ARHGAP32: variants seen among roughly 807,000 people sequenced by gnomAD.
The protein encoded by ARHGAP32 is rho GTPase-activating protein 32.
ARHGAP32 carries 51 observed loss-of-function variants against 186.5 expected under a neutral mutation model. That is an observed-to-expected ratio of 0.27 (90% CI 0.22 to 0.35). The LOEUF is 0.35. Among genes scored for constraint, ARHGAP32 ranks in the 10% least tolerant of loss-of-function variants. The pLI, the probability that ARHGAP32 is intolerant of heterozygous loss-of-function variation, is 1.00. For synonymous variants in ARHGAP32, 950 were observed against 964.3 expected (o/e 0.99, Z 0.27); for missense variants, 2,186 against 2,623.5 (o/e 0.83, Z 3.64).
At chr11:129,071,654 A>C (rs1940870440) in intron 6 of ARHGAP32, among the ~76,000 whole-genome samples, 1 of 152,152 alleles carries the variant, frequency 6.6e-6, no homozygotes, top group African/African-American at 2.4e-5. Flanking sequence ...AACTATATGG[A>C]GGTTCCTCAA....
Position 129,152,634 on chromosome 11 carries a change from A to C in ARHGAP32, c.225+11685T>G, listed in dbSNP as rs1472138632. On this transcript the variant is annotated intron_variant, in intron 2 of 22. Coordinates refer to ENST00000682385, the MANE Select transcript of ARHGAP32 (RefSeq NM_001378024.1). ...ACATACACAAAATTTATAAGAAAAA[A>C]TCATATGATCATCTCAACAGACACA... Among the ~76,000 whole-genome samples, 3 of 152,184 alleles carry C rather than the reference A, an allele frequency of 2.0e-5. No individual in the cohort carries two copies. In the East Asian group the frequency reaches 5.8e-4, roughly 29 times the overall value.
chr11:129,108,674 G>C (rs143326078), intron 5 of ARHGAP32, among the ~76,000 whole-genome samples: 2 of 152,258 alleles, frequency 1.3e-5, no homozygotes, highest in East Asian at 3.9e-4. Flanking sequence ...ATATTTTGTT[G>C]TTGAGTTGTA....
At chr11:129,193,703 A>ATATATAATATATATTATATAT (rs1944345916), upstream of ARHGAP32, among the ~76,000 whole-genome samples, 24 of 48,366 alleles carry the variant, frequency 5.0e-4, no homozygotes, top group African/African-American at 1.7e-3. Flanking sequence ...ATAATATATA[A>ATATATAATATATATTATATAT]TATATATTAT....
At position 129,192,277 on chromosome 11, in the gene ARHGAP32, C is replaced by G; in HGVS notation, c.-79G>C. ...CCAACATTCAGGTTGTTCAGCTCTACTCATGTATACTCAGATGTGTGTCTG... is the reference window on the plus strand; with the variant it reads ...CCAACATTCAGGTTGTTCAGCTCTAGTCATGTATACTCAGATGTGTGTCTG... On this transcript the variant is annotated 5_prime_UTR_variant, in exon 1 of 23. Coordinates refer to ENST00000682385, the MANE Select transcript of ARHGAP32 (RefSeq NM_001378024.1). The G allele has an allele frequency of 2.2e-6, 2 of 919,656 alleles. No individual in the cohort carries two copies. Among genetic ancestry groups the G allele is most frequent in the South Asian group, 2.8e-5 (2 of 72,120 alleles). 57.0% of individuals were successfully genotyped at this position (919,656 alleles called of 1,614,324 possible).
At chr11:129,202,341 C>T (rs1032769722) in intron 1 of ARHGAP32, among the ~76,000 whole-genome samples, 1 of 151,970 alleles carries the variant, frequency 6.6e-6, no homozygotes, top group Non-Finnish European at 1.5e-5. Context: ...TGTTTTTCTA[C>T]CCTGTATACC....
rs546239 is a variant in ARHGAP32 at position 128,965,863 on chromosome 11, C to T, written c.*3044G>A. The T allele has an allele frequency of 0.88, 134,652 of 152,228 alleles. 59,743 individuals carry two copies. The highest frequency in any genetic ancestry group is 0.94 in the African/African-American group (39,043 of 41,552). The allele number at this position is 152,228 out of a possible 1,614,324, so 9.4% of individuals were successfully genotyped here. ...CTCCAAATGTGGTAACCTACTCCTC[C>T]GTCCCCACTCACGTTAGTTAACAGT... On this transcript the variant is annotated 3_prime_UTR_variant, in exon 23 of 23. Coordinates refer to ENST00000682385, the MANE Select transcript of ARHGAP32 (RefSeq NM_001378024.1).
At chr11:129,137,732 G>A (rs1013527749) in intron 2 of ARHGAP32, among the ~76,000 whole-genome samples, 12 of 152,030 alleles carry the variant, frequency 7.9e-5, no homozygotes, top group African/African-American at 2.7e-4. Flanking sequence ...TTGAGGGTGT[G>A]TGTCTGTGTG....
intron 11 of ARHGAP32, among the ~76,000 whole-genome samples, chr11:129,012,117 A>G (rs1938112969): frequency 6.6e-6 from 1 of 152,178 alleles, no homozygotes; most frequent in Non-Finnish European, 1.5e-5. Flanking sequence ...TAAATTTAAA[A>G]TATTTAAAAA....
Position 128,966,924 on chromosome 11 carries a change from A to G in ARHGAP32, c.*1983T>C, listed in dbSNP as rs1035029255. The G allele has an allele frequency of 1.3e-5, 2 of 152,220 alleles. No homozygotes were observed. The highest frequency in any genetic ancestry group is 6.5e-5 in the Admixed American group (1 of 15,278). 9.4% of individuals were successfully genotyped at this position (152,220 alleles called of 1,614,324 possible). A position where few individuals can be genotyped will look rare whatever the true frequency, so the allele number is the denominator to read the frequency against. On this transcript the variant is annotated 3_prime_UTR_variant, in exon 23 of 23. Transcript: ENST00000682385. ...GGTCATACTCCTGTATGTAGCACCCAGGGTGTTTTTGTGCCAAAGGGAAGT... is the reference window on the plus strand; with the variant it reads ...GGTCATACTCCTGTATGTAGCACCCGGGGTGTTTTTGTGCCAAAGGGAAGT...
At chr11:129,236,813 C>G (rs542867879) in intron 1 of ARHGAP32, among the ~76,000 whole-genome samples, 402 of 152,274 alleles carry the variant, frequency 2.6e-3, no homozygotes, top group African/African-American at 9.2e-3. Flanking sequence ...AAGTAGGCAT[C>G]CCTGTCTTGT....
intron 1 of ARHGAP32, among the ~76,000 whole-genome samples, chr11:129,188,618 A>G (rs1223550533): frequency 6.6e-6 from 1 of 152,216 alleles, no homozygotes; most frequent in Non-Finnish European, 1.5e-5. Flanking sequence ...GTAGAGGATG[A>G]ATAATGCAAC....
chr11:129,029,541 C>A (rs550084515), intron 11 of ARHGAP32, among the ~76,000 whole-genome samples: 1 of 152,104 alleles, frequency 6.6e-6, no homozygotes, highest in Admixed American at 6.5e-5. Context: ...CGGTGGCTCA[C>A]GCCTGTAATC....
At chr11:129,138,508 A>C (rs956541315) in intron 2 of ARHGAP32, among the ~76,000 whole-genome samples, 1 of 152,112 alleles carries the variant, frequency 6.6e-6, no homozygotes, top group Non-Finnish European at 1.5e-5. Flanking sequence ...AATCCAAAAA[A>C]ATATTCTACC....
intron 11 of ARHGAP32, among the ~76,000 whole-genome samples, chr11:129,000,295 A>T (rs1010887298): frequency 6.6e-6 from 1 of 152,236 alleles, no homozygotes; most frequent in South Asian, 2.1e-4. Context: ...ACTGAAAGTA[A>T]ATCCCTTAAA....
intron 22 of ARHGAP32, chr11:128,971,511 C>T (rs1945373865): frequency 4.9e-6 from 1 of 205,650 alleles, no homozygotes; most frequent in African/African-American, 2.3e-5. Context: ...ATTAGTCTAG[C>T]TCAGTCTCAA....
rs1945217423 is a variant in ARHGAP32, at chr11:128,966,173, A to C, written c.*2734T>G. 6.6e-6 allele frequency: 1 copy of C among 152,234 alleles called. No homozygotes were observed. Among genetic ancestry groups the C allele is most frequent in the Admixed American group, 6.5e-5 (1 of 15,288 alleles). 9.4% of individuals were successfully genotyped at this position (152,234 alleles called of 1,614,324 possible). A position where few individuals can be genotyped will look rare whatever the true frequency, so the allele number is the denominator to read the frequency against. ...AATCAGAATTTTGCCAAAAAGATAA[A>C]ATCTGGAGGCATGGCTATGAAAATG... is the stretch of plus-strand genomic sequence containing the variant. On this transcript the variant is annotated 3_prime_UTR_variant, in exon 23 of 23. Coordinates refer to ENST00000682385, the MANE Select transcript of ARHGAP32 (RefSeq NM_001378024.1).
At chr11:129,071,265 T>C (rs879641541) in intron 6 of ARHGAP32, among the ~76,000 whole-genome samples, 4 of 151,910 alleles carry the variant, frequency 2.6e-5, no homozygotes, top group Non-Finnish European at 5.9e-5. Context: ...AGAAAATGAT[T>C]ATCAGGGCAA....
chr11:129,238,522 T>C (rs1944967041), intron 1 of ARHGAP32, among the ~76,000 whole-genome samples: 2 of 152,148 alleles, frequency 1.3e-5, no homozygotes, highest in African/African-American at 2.4e-5. Flanking sequence ...TAACAGGTGC[T>C]CTTATACACT....
intron 10 of ARHGAP32, among the ~76,000 whole-genome samples, chr11:129,044,807 C>A (rs1268308045): frequency 6.6e-6 from 1 of 151,914 alleles, no homozygotes; most frequent in East Asian, 1.9e-4. Flanking sequence ...TAATTTGTAA[C>A]GTTAGGGATA....
Sources: allele counts gnomAD v4.1 joint callset (sites outside exome capture counted in the v4.1 genomes callset), GRCh38; gene constraint gnomAD v4.1.1; transcripts MANE v1.5; gene names NCBI Gene and HGNC (gene_info 2026-07-23, HGNC 2026-07-21).